The following ZNF534 variants were observed in gnomAD, a reference collection of about 807,000 sequenced individuals.
The protein encoded by ZNF534 is zinc finger protein 534, also known as KRAB domain only 3.
A neutral mutation model predicts 13.6 loss-of-function variants in ZNF534; 19 were observed. The observed-to-expected ratio is 1.40, with a 90% CI of 0.97 to 2.05. The LOEUF is 2.05. Ranked by LOEUF, ZNF534 falls within the 30% of genes most tolerant of loss-of-function variation. The probability of loss-of-function intolerance (pLI) is 0.00; values close to 1 mark genes in which losing one functional copy is unlikely to be tolerated. For missense variants in ZNF534, 782 were observed against 796.3 expected, an observed-to-expected ratio of 0.98 and a Z score of 0.22; for synonymous variants, 244 against 273.8, an observed-to-expected ratio of 0.89 and a Z score of 1.07.
At chr19:52,450,728 C>A (rs2122733163) in intron 4 of ZNF534, among the ~76,000 whole-genome samples, 1 of 123,696 alleles carries the variant, frequency 8.1e-6, no homozygotes, top group South Asian at 2.8e-4. Flanking sequence ...TCTCTATTGC[C>A]CAGGTTGGAG....
At chr19:52,434,418 T>A (rs2059114743) in intron 3 of ZNF534, among the ~76,000 whole-genome samples, 1 of 127,974 alleles carries the variant, frequency 7.8e-6, no homozygotes, top group Non-Finnish European at 1.5e-5. Flanking sequence ...TGAGCCAAGA[T>A]CGCACCACTG....
downstream of ZNF534, among the ~76,000 whole-genome samples, chr19:52,447,118 C>T (rs1440473825): frequency 2.6e-5 from 4 of 152,164 alleles, no homozygotes; most frequent in African/African-American, 7.2e-5. Context: ...ACTCCACCTG[C>T]ATCTTTCTTA....
intron 3 of ZNF534, 96 bp from the exon 4 acceptor site, chr19:52,434,985 C>A: frequency 1.4e-6 from 2 of 1,405,832 alleles, no homozygotes; most frequent in South Asian, 1.6e-5. Flanking sequence ...AAATATTATT[C>A]TTGATTAATT....
Position 52,439,369 on chromosome 19 carries a change from A to T in ZNF534, c.1909A>T (p.Asn637Tyr). 1 of 1,552,320 alleles carries T rather than the reference A, an allele frequency of 6.4e-7. No homozygotes were observed. Among genetic ancestry groups the T allele is most frequent in the Non-Finnish European group, 8.7e-7 (1 of 1,147,196 alleles). ...IHTGVKPYSCNECGKVFSKNS... is the reference protein window; with the variant it reads ...IHTGVKPYSCYECGKVFSKNS... ...TACTGGAGTGAAGCCTTACAGTTGT[A>T]ATGAATGTGGCAAGGTCTTTAGTAA... is the stretch of plus-strand genomic sequence containing the variant. The change falls in exon 5 of 5, where the codon AAT becomes TAT. Residue 637 changes from asparagine to tyrosine, a missense_variant. Physicochemically the swap from Asn to Tyr is moderately radical, Grantham distance 143. Transcript: ENST00000433050.
chr19:52,436,753 G>A (rs577185980), intron 4 of ZNF534, among the ~76,000 whole-genome samples: 1 of 152,126 alleles, frequency 6.6e-6, no homozygotes, highest in Admixed American at 6.5e-5. Context: ...TTTTACATCA[G>A]TTACTGTATT....
chr19:52,430,405 C>T (rs2059079448), intron 1 of ZNF534, among the ~76,000 whole-genome samples: 1 of 152,158 alleles, frequency 6.6e-6, no homozygotes, highest in East Asian at 1.9e-4. Context: ...ATGGAGGTTT[C>T]AGGCATCCAT....
exon 5 of ZNF534, chr19:52,451,391 A>G (rs1305321571): frequency 2.5e-6 from 2 of 805,278 alleles, no homozygotes; most frequent in African/African-American, 3.4e-5. Flanking sequence ...GGCCGAGGCC[A>G]CGGGACTCTC....
At position 52,438,617 on chromosome 19, in the gene ZNF534, A is replaced by G. The variant is rs1320624046; in HGVS notation, c.1157A>G (p.Glu386Gly). The G allele has an allele frequency of 2.5e-6, 4 of 1,590,000 alleles. No individual in the cohort carries two copies. In the African/African-American group the frequency reaches 4.0e-5, roughly 16 times the overall value. Residue 386 changes from glutamate (E) to glycine (G), a missense_variant, in exon 5 of 5, where the codon GAG (glutamate) becomes GGG (glycine). Physicochemically the swap from Glu to Gly is moderately conservative, Grantham distance 98. This residue lies in a region of ZNF534 where 591 missense variants were observed against 574.0 expected (regional missense o/e 1.03). Coordinates refer to ENST00000433050, the MANE Select transcript of ZNF534 (RefSeq NM_001143938.3). ...GGAGAGAAACCTTACAAATGTAATG[A>G]GTGTGGCAAGGTCTTTATTGGCAAT... ...HTGEKPYKCNECGKVFIGNSR... is the reference protein window; with the variant it reads ...HTGEKPYKCNGCGKVFIGNSR...
chr19:52,439,418 G>T lies in ZNF534; in HGVS notation c.1958G>T (p.Cys653Phe). Reference sequence around the variant, plus strand: ...AAAAATTCCATCCTAGTACAACATTGCAGTATTCATACCAGAGAGAAGCCT... The same window carrying T: ...AAAAATTCCATCCTAGTACAACATTTCAGTATTCATACCAGAGAGAAGCCT... ...FSKNSILVQH[C>F]SIHTREKP Residue 653 changes from cysteine to phenylalanine, a missense_variant, in exon 5 of 5, where the codon TGC (cysteine) becomes TTC (phenylalanine). Cys to Phe is a radical substitution (Grantham distance 205). Transcript: ENST00000433050. 6.5e-7 allele frequency: 1 copy of T among 1,541,324 alleles called. No homozygotes were observed. Among genetic ancestry groups the T allele is most frequent in the South Asian group, 1.2e-5 (1 of 82,082 alleles).
intron 4 of ZNF534, among the ~76,000 whole-genome samples, chr19:52,436,513 T>G (rs2059130092): frequency 6.6e-6 from 1 of 152,222 alleles, no homozygotes; most frequent in Non-Finnish European, 1.5e-5. Flanking sequence ...TGTTTTAACA[T>G]TATTTCTTCA....
At chr19:52,446,477 CT>C (rs2059194910), downstream of ZNF534, among the ~76,000 whole-genome samples, 1 of 152,048 alleles carries the variant, frequency 6.6e-6, no homozygotes, top group African/African-American at 2.4e-5. Flanking sequence ...ATTTTTTATA[CT>C]TTTTGGGCTT....
chr19:52,441,912 T>C lies in ZNF534; in HGVS notation c.*2466T>C, dbSNP rs1386022515. 6.6e-6 allele frequency among the ~76,000 whole-genome samples: 1 copy of C among 152,226 alleles called. No individual in the cohort carries two copies. Among genetic ancestry groups the C allele is most frequent in the African/African-American group, 2.4e-5 (1 of 41,458 alleles). ...GATAATTTATTCATGAAAGAGTCCT[T>C]ACAAGCTGTGTACGGAAAGCTCGTC... On this transcript the variant is annotated 3_prime_UTR_variant, in exon 5 of 5. Coordinates refer to ENST00000433050, the MANE Select transcript of ZNF534 (RefSeq NM_001143938.3).
chr19:52,433,639 T>G (rs950853673), intron 2 of ZNF534, among the ~76,000 whole-genome samples: 5 of 152,252 alleles, frequency 3.3e-5, no homozygotes, highest in East Asian at 3.8e-4. Context: ...ATGCTGGGAT[T>G]ACAGGCATGA....
chr19:52,450,425 C>A (rs1214306052), intron 4 of ZNF534, among the ~76,000 whole-genome samples: 1 of 152,062 alleles, frequency 6.6e-6, no homozygotes, highest in Non-Finnish European at 1.5e-5. Flanking sequence ...TGAAGACTGT[C>A]TTTTTTCCCA....
chr19:52,433,994 CAGG>C lies in ZNF534; in HGVS notation c.61_63del (p.Glu21del), dbSNP rs778567551. ...CAGCGATGTGGCCATAGAATTCTCTCAGGAGGAGTGGAAATGCCTGGACCCTGG... is the reference window on the plus strand; with the variant it reads ...CAGCGATGTGGCCATAGAATTCTCTCAGGAGTGGAAATGCCTGGACCCTGG... On this transcript the variant is annotated inframe_deletion, in exon 3 of 5. Coordinates refer to ENST00000433050, the MANE Select transcript of ZNF534 (RefSeq NM_001143938.3). The C allele has an allele frequency of 6.2e-6, 10 of 1,613,986 alleles. No individual in the cohort carries two copies. The highest frequency in any genetic ancestry group is 1.7e-5 in the Admixed American group (1 of 59,996).
chr19:52,433,588 G>A (rs137941088), intron 2 of ZNF534, among the ~76,000 whole-genome samples: 5 of 152,154 alleles, frequency 3.3e-5, no homozygotes, highest in Admixed American at 6.6e-5. Context: ...AGATGGTCTT[G>A]ATCTCCTGAC....
rs1333423221 is a variant in ZNF534 at position 52,431,506 on chromosome 19, A to G, written c.15+17A>G. The G allele has an allele frequency of 2.2e-5, 35 of 1,611,534 alleles. No homozygotes were observed. The highest frequency in any genetic ancestry group is 2.6e-5 in the Non-Finnish European group (31 of 1,177,736). ...CTTACTCAGGTAAGGTAATGTTCTC[A>G]GTGGATTGTTCTGTCTCTGTTTCTT... On this transcript the variant is annotated intron_variant, in intron 2 of 4. Coordinates refer to ENST00000433050, the MANE Select transcript of ZNF534 (RefSeq NM_001143938.3).
At position 52,449,957 on chromosome 19, in the gene ZNF534, G is replaced by T. The variant is rs536245382; in HGVS notation, c.272-1230G>T. On this transcript the variant is annotated intron_variant, in intron 4 of 4. Coordinates refer to the ZNF534 transcript ENST00000301085. ...ATTGCTTGAACCCGGGAAGGCAGAC[G>T]TTGCAGTGAGCCAAGATCGCACCAC... Among the ~76,000 whole-genome samples the T allele has an allele frequency of 6.6e-5, 10 of 152,190 alleles. No homozygotes were observed. The South Asian group carries it at 2.1e-3, about 32-fold the overall frequency.
In ZNF534 at chr19:52,451,261, C is replaced by T. The variant is rs1270200055; in HGVS notation, c.346C>T (p.Pro116Ser). ...GCGCGCGTCCGGAGGTGCTGAGGAG[C>T]CAACCGGCCCAAACTTTGTGGGAAA... The change falls in exon 5 of 5, where the codon CCA becomes TCA. Residue 116 changes from proline to serine, a missense_variant. Physicochemically the swap from Pro to Ser is moderately conservative, Grantham distance 74. Transcript: ENST00000301085. 4 of 874,322 alleles carry T rather than the reference C, an allele frequency of 4.6e-6. No homozygotes were observed. The African/African-American group carries it at 5.0e-5, about 11-fold the overall frequency. 54.2% of individuals were successfully genotyped at this position (874,322 alleles called of 1,614,324 possible).
Sources: gnomAD v4.1 joint callset for allele counts (sites outside exome capture counted in the v4.1 genomes callset) on GRCh38, gnomAD v4.1.1 for gene constraint, gnomAD v4.1.1 regional missense constraint, MANE v1.5 for transcripts, NCBI Gene and HGNC (gene_info 2026-07-23, HGNC 2026-07-21) for gene names.